The following KIAA0825 variants were observed in gnomAD, a reference collection of about 807,000 sequenced individuals.
KIAA0825 encodes uncharacterized protein KIAA0825.
In KIAA0825, 119 loss-of-function variants were observed where a neutral mutation model predicts 147.6. The observed-to-expected ratio is 0.81, with a 90% CI of 0.69 to 0.94. The LOEUF is 0.94. Among genes scored for constraint, KIAA0825 ranks in the 40% least tolerant of loss-of-function variants. KIAA0825 has a pLI of 0.00. For missense variants in KIAA0825, 1,381 were observed against 1,472.7 expected, an observed-to-expected ratio of 0.94 and a Z score of 1.02; for synonymous variants, 470 against 518.1, an observed-to-expected ratio of 0.91 and a Z score of 1.26.
intron 20 of KIAA0825, among the ~76,000 whole-genome samples, chr5:94,214,246 G>C (rs1773008384): frequency 1.3e-5 from 2 of 152,008 alleles, no homozygotes; most frequent in Admixed American, 1.3e-4. Context: ...CCTGCAATTA[G>C]TGTGCTGCAT....
At chr5:94,535,636 A>G (rs1771851072) in intron 3 of KIAA0825, among the ~76,000 whole-genome samples, 1 of 151,994 alleles carries the variant, frequency 6.6e-6, no homozygotes, top group Admixed American at 6.6e-5. Context: ...TGTCTTTCTC[A>G]AGAACCTGGG....
At position 94,440,245 on chromosome 5, in the gene KIAA0825, T is replaced by C. The variant is rs999439786; in HGVS notation, c.2358-124A>G. On this transcript the variant is annotated intron_variant, in intron 13 of 20. Transcript: ENST00000682413. The stretch of plus-strand genomic sequence containing the variant: ...AATTCCTCCCTGATTACTCTGAAAA[T>C]GCTTTCATGCTTGCTTACTTTAGGG... The C allele has an allele frequency of 3.0e-6, 3 of 998,026 alleles. No homozygotes were observed. In the Admixed American group the frequency reaches 9.1e-5, roughly 30 times the overall value. 61.8% of individuals were successfully genotyped at this position (998,026 alleles called of 1,614,324 possible).
intron 12 of KIAA0825, among the ~76,000 whole-genome samples, chr5:94,455,845 G>C (rs1759031857): frequency 6.6e-6 from 1 of 152,086 alleles, no homozygotes; most frequent in Admixed American, 6.5e-5. Context: ...TCCAAGTGGG[G>C]AAGGATGAAA....
At chr5:94,180,880 G>T (rs970184925) in intron 20 of KIAA0825, among the ~76,000 whole-genome samples, 2 of 151,690 alleles carry the variant, frequency 1.3e-5, no homozygotes, top group African/African-American at 4.8e-5. Context: ...TTTCTTTTAG[G>T]CTGCAGCATA....
At chr5:94,292,714 G>A (rs1777954285) in intron 20 of KIAA0825, among the ~76,000 whole-genome samples, 1 of 152,088 alleles carries the variant, frequency 6.6e-6, no homozygotes, top group Admixed American at 6.6e-5. Flanking sequence ...TTGTACCTCT[G>A]GTAGAAATCG....
chr5:94,454,514 G>C (rs1337620909), intron 12 of KIAA0825, among the ~76,000 whole-genome samples: 1 of 152,018 alleles, frequency 6.6e-6, no homozygotes, highest in African/African-American at 2.4e-5. Context: ...CTAAATCTCA[G>C]ATCAAAACAG....
chr5:94,192,781 T>C (rs1770790632), intron 20 of KIAA0825, among the ~76,000 whole-genome samples: 1 of 152,162 alleles, frequency 6.6e-6, no homozygotes, highest in African/African-American at 2.4e-5. Flanking sequence ...GGTTATTTCC[T>C]TCCCCTCAGG....
chr5:94,156,185 C>T (rs887176923), intron 20 of KIAA0825, among the ~76,000 whole-genome samples: 27 of 152,130 alleles, frequency 1.8e-4, no homozygotes, highest in African/African-American at 5.8e-4. Context: ...AATCACTTGC[C>T]TGAGTATCTT....
At chr5:94,239,809 A>C (rs1775256848) in intron 20 of KIAA0825, among the ~76,000 whole-genome samples, 1 of 152,146 alleles carries the variant, frequency 6.6e-6, no homozygotes, top group Non-Finnish European at 1.5e-5. Context: ...TAATTACTTT[A>C]TTTTGCCAAA....
At chr5:94,546,130 G>A (rs542941853) in intron 2 of KIAA0825, among the ~76,000 whole-genome samples, 2 of 152,292 alleles carry the variant, frequency 1.3e-5, no homozygotes, top group South Asian at 2.1e-4. Flanking sequence ...AGGCTCCTCT[G>A]CCTGTGGAAA....
intron 20 of KIAA0825, among the ~76,000 whole-genome samples, chr5:94,186,493 T>C (rs1440193897): frequency 6.6e-6 from 1 of 152,140 alleles, no homozygotes; most frequent in East Asian, 1.9e-4. Context: ...ATAAGTCAAT[T>C]TGTAGGTGCT....
At chr5:94,424,873 C>A (rs767507684) in intron 14 of KIAA0825, among the ~76,000 whole-genome samples, 2 of 152,024 alleles carry the variant, frequency 1.3e-5, no homozygotes, top group African/African-American at 2.4e-5. Context: ...TATACAGCAA[C>A]AAATTGGAAG....
At chr5:94,269,807 T>A (rs1030586826) in intron 20 of KIAA0825, among the ~76,000 whole-genome samples, 2 of 151,710 alleles carry the variant, frequency 1.3e-5, no homozygotes, top group Non-Finnish European at 2.9e-5. Context: ...AAAGAAATAG[T>A]TTAGAGCAGA....
At chr5:94,575,462 C>T (rs775951189) in intron 2 of KIAA0825, among the ~76,000 whole-genome samples, 1 of 152,146 alleles carries the variant, frequency 6.6e-6, no homozygotes, top group Non-Finnish European at 1.5e-5. Flanking sequence ...GAAAACCAGG[C>T]CGCTGTTACA....
intron 20 of KIAA0825, among the ~76,000 whole-genome samples, chr5:94,214,240 C>A (rs1189518174): frequency 6.6e-6 from 1 of 152,056 alleles, no homozygotes; most frequent in Non-Finnish European, 1.5e-5. Flanking sequence ...TTTTTCCCTG[C>A]AATTAGTGTG....
intron 2 of KIAA0825, among the ~76,000 whole-genome samples, chr5:94,573,039 T>C (rs1389633556): frequency 6.7e-6 from 1 of 150,114 alleles, no homozygotes; most frequent in Admixed American, 6.7e-5. Flanking sequence ...TTCATATATT[T>C]TAGGGAGAAA....
chr5:94,169,623 T>C (rs1317515629), intron 20 of KIAA0825, among the ~76,000 whole-genome samples: 1 of 151,836 alleles, frequency 6.6e-6, no homozygotes, highest in Non-Finnish European at 1.5e-5. Flanking sequence ...TTTGTATGGT[T>C]GATGGTGCCT....
chr5:94,319,228 T>G (rs186868849), intron 20 of KIAA0825, among the ~76,000 whole-genome samples: 1 of 151,900 alleles, frequency 6.6e-6, no homozygotes, highest in Non-Finnish European at 1.5e-5. Flanking sequence ...GAACACCATA[T>G]TCTGCTAGTT....
At chr5:94,519,087 C>A in intron 5 of KIAA0825, 1 of 378,976 alleles carries the variant, frequency 2.6e-6, no homozygotes, top group Non-Finnish European at 3.6e-6. Flanking sequence ...AATTAACTGA[C>A]TTTGTATTTT....
Sources: allele counts gnomAD v4.1 joint callset (sites outside exome capture counted in the v4.1 genomes callset), GRCh38; gene constraint gnomAD v4.1.1; transcripts MANE v1.5; gene names NCBI Gene and HGNC (gene_info 2026-07-23, HGNC 2026-07-21).